The following RB1CC1 variants were observed in gnomAD, a reference collection of about 807,000 sequenced individuals.
RB1CC1 encodes RB1 inducible coiled-coil 1.
In RB1CC1, 46 loss-of-function variants were observed where a neutral mutation model predicts 177.5. The ratio of observed to expected loss-of-function variants is 0.26; its 90% CI spans 0.20 to 0.33. The LOEUF is 0.33. RB1CC1 is among the 10% of genes least tolerant of loss of function. The pLI is 1.00. For missense variants in RB1CC1, 1,703 were observed against 1,816.3 expected (o/e 0.94, Z 1.13); for synonymous variants, 666 against 613.6 (o/e 1.09, Z -1.26).
chr8:52,656,328 T>A lies in RB1CC1; in HGVS notation c.3501A>T (p.Glu1167Asp). The A allele has an allele frequency of 6.2e-7, 1 of 1,612,870 alleles. No homozygotes were observed. Among genetic ancestry groups the A allele is most frequent in the Non-Finnish European group, 8.5e-7 (1 of 1,179,700 alleles). Reference sequence around the variant, plus strand: ...TTTGTTCTTTTAGGTTTTTTTCTATTTCAAATGCTTGGTTATGCAAAGATG... The same window carrying A: ...TTTGTTCTTTTAGGTTTTTTTCTATATCAAATGCTTGGTTATGCAAAGATG... ...KVTSLHNQAFEIEKNLKEQII... is the reference protein window; with the variant it reads ...KVTSLHNQAFDIEKNLKEQII... Residue 1167 changes from glutamate (E) to aspartate (D), a missense_variant, in exon 15 of 24, where the codon GAA becomes GAT. By Grantham distance (45) the Glu-to-Asp change is conservative. Transcript: ENST00000025008.
intron 5 of RB1CC1, 85 bp from the exon 6 acceptor site, chr8:52,676,656 T>C: frequency 1.7e-6 from 2 of 1,181,484 alleles, no homozygotes; most frequent in South Asian, 2.7e-5. Context: ...AACATGTACG[T>C]GTGGATGCGT....
chr8:52,664,356 G>A (rs564119239), intron 8 of RB1CC1, among the ~76,000 whole-genome samples: 1 of 152,086 alleles, frequency 6.6e-6, no homozygotes, highest in African/African-American at 2.4e-5. Flanking sequence ...GAATACTTAG[G>A]AGTACCAAAA....
intron 15 of RB1CC1, among the ~76,000 whole-genome samples, chr8:52,652,233 G>A (rs1338318446): frequency 2.0e-5 from 3 of 152,028 alleles, no homozygotes; most frequent in African/African-American, 7.2e-5. Flanking sequence ...TTGGGAGGCC[G>A]AGGTGGGCAG....
At chr8:52,678,986 C>T (rs1024751921) in intron 5 of RB1CC1, among the ~76,000 whole-genome samples, 1 of 152,068 alleles carries the variant, frequency 6.6e-6, no homozygotes, top group Non-Finnish European at 1.5e-5. Flanking sequence ...GGAAACAAGA[C>T]ACCATCTTGA....
intron 1 of RB1CC1, among the ~76,000 whole-genome samples, chr8:52,706,105 A>G (rs563898119): frequency 1.3e-5 from 2 of 151,772 alleles, no homozygotes; most frequent in Non-Finnish European, 2.9e-5. Flanking sequence ...TCTTTTAAAA[A>G]TCACATTTAT....
intron 1 of RB1CC1, among the ~76,000 whole-genome samples, chr8:52,698,470 G>A (rs937466807): frequency 5.3e-5 from 8 of 151,210 alleles, no homozygotes; most frequent in African/African-American, 1.2e-4. Flanking sequence ...CTACCACCAC[G>A]CCCAGCCAAT....
rs532281337 is a variant in RB1CC1 at position 52,687,674 on chromosome 8, AACC to A, written c.-166-710_-166-708del. ...AATTCTCAAGGAACTGAATCTTGACAACCACCACAAGCCCATAAGCAGATCCTT... is the reference window on the plus strand; with the variant it reads ...AATTCTCAAGGAACTGAATCTTGACAACCACAAGCCCATAAGCAGATCCTT... On this transcript the variant is annotated intron_variant, in intron 1 of 23. Coordinates refer to ENST00000025008, the MANE Select transcript of RB1CC1 (RefSeq NM_014781.5). Among the ~76,000 whole-genome samples, 8 of 152,304 alleles carry A rather than the reference AACC, an allele frequency of 5.3e-5. No homozygotes were observed. In the East Asian group the frequency reaches 9.6e-4, roughly 18 times the overall value.
At chr8:52,627,828 G>A (rs1415643761) in intron 22 of RB1CC1, among the ~76,000 whole-genome samples, 1 of 152,078 alleles carries the variant, frequency 6.6e-6, no homozygotes, top group Non-Finnish European at 1.5e-5. Flanking sequence ...CTGGTCCCTT[G>A]TATAAGCTAC....
chr8:52,654,601 T>G (rs1850919237), intron 15 of RB1CC1, among the ~76,000 whole-genome samples: 1 of 152,150 alleles, frequency 6.6e-6, no homozygotes, highest in African/African-American at 2.4e-5. Flanking sequence ...TTCCTCTTAT[T>G]TCACTTTGAG....
intron 1 of RB1CC1, among the ~76,000 whole-genome samples, chr8:52,700,649 G>GC (rs1855968980): frequency 6.6e-6 from 1 of 152,190 alleles, no homozygotes; most frequent in South Asian, 2.1e-4. Flanking sequence ...ATTAACATGA[G>GC]CAGAACATAC....
At chr8:52,680,519 G>A (rs1853596424) in intron 5 of RB1CC1, among the ~76,000 whole-genome samples, 1 of 151,940 alleles carries the variant, frequency 6.6e-6, no homozygotes, top group African/African-American at 2.4e-5. Context: ...GATTGCAGAA[G>A]TAGAAGAGAA....
chr8:52,626,496 A>C (rs1288429009), intron 22 of RB1CC1, among the ~76,000 whole-genome samples: 1 of 152,208 alleles, frequency 6.6e-6, no homozygotes, highest in Non-Finnish European at 1.5e-5. Flanking sequence ...AGATACATAC[A>C]CATAAAAAGA....
intron 5 of RB1CC1, among the ~76,000 whole-genome samples, chr8:52,680,996 T>TGTG (rs1389877008): frequency 0.22 from 22,927 of 103,068 alleles, 2,102 homozygotes; most frequent in East Asian, 0.31. Flanking sequence ...GTGTGTGTGT[T>TGTG]TTTTTTTTTT....
chr8:52,642,689 C>T lies in RB1CC1; in HGVS notation c.4096+15G>A, dbSNP rs1394858898. ...CTTTAAAAAATTAAAAAAAATAGTA[C>T]AAAACAGTACAAACCTTTATCCCGT... On this transcript the variant is annotated intron_variant, in intron 17 of 23. Transcript: ENST00000025008. 1.9e-6 allele frequency: 3 copies of T among 1,570,616 alleles called. No individual in the cohort carries two copies. Among genetic ancestry groups the T allele is most frequent in the Non-Finnish European group, 1.7e-6 (2 of 1,164,604 alleles).
chr8:52,637,029 A>AT (rs139994496), intron 18 of RB1CC1, among the ~76,000 whole-genome samples: 15,803 of 150,604 alleles, frequency 0.1, 846 homozygotes, highest in Non-Finnish European at 0.11. Context: ...AGACTTTGTT[A>AT]TTTTTCAAGA....
In RB1CC1 at chr8:52,658,115, T is replaced by A. The variant is rs558835104; in HGVS notation, c.1803A>T (p.Leu601Phe). The A allele has an allele frequency of 6.2e-7, 1 of 1,611,848 alleles. No individual in the cohort carries two copies. Among genetic ancestry groups the A allele is most frequent in the East Asian group, 2.2e-5 (1 of 44,836 alleles). The change falls in exon 14 of 24, where the codon TTA becomes TTT. Residue 601 changes from leucine to phenylalanine, a missense_variant. Around this residue, in one of 6 missense-constraint regions of RB1CC1, gnomAD observed 1,169 missense variants for 1,184.7 expected, o/e 0.99. Transcript: ENST00000025008. ...GGTGTAGAGGTTCAAAGTCACAAAG[T>A]AAGGGAACCCTGAAACAGAATGCAA... ...SEVQPFLRVPLLCDFEPLHQH... is the reference protein window; with the variant it reads ...SEVQPFLRVPFLCDFEPLHQH...
At chr8:52,641,735 A>C (rs1325293628) in intron 18 of RB1CC1, among the ~76,000 whole-genome samples, 1 of 152,132 alleles carries the variant, frequency 6.6e-6, no homozygotes, top group Non-Finnish European at 1.5e-5. Context: ...CCCATATCTG[A>C]AATCCCAGAG....
At chr8:52,678,376 A>C (rs1212483373) in intron 5 of RB1CC1, among the ~76,000 whole-genome samples, 1 of 152,154 alleles carries the variant, frequency 6.6e-6, no homozygotes, top group Admixed American at 6.5e-5. Flanking sequence ...AAGATCGCAC[A>C]ACTGAATTCC....
intron 1 of RB1CC1, among the ~76,000 whole-genome samples, chr8:52,703,269 A>G (rs1856250603): frequency 6.6e-6 from 1 of 152,204 alleles, no homozygotes; most frequent in African/African-American, 2.4e-5. Flanking sequence ...TTCCTACTGC[A>G]TATCGGGCTC....
Sources: allele counts gnomAD v4.1 joint callset (sites outside exome capture counted in the v4.1 genomes callset), GRCh38; gene constraint gnomAD v4.1.1; regional missense constraint gnomAD v4.1.1; transcripts MANE v1.5; gene names NCBI Gene and HGNC (gene_info 2026-07-23, HGNC 2026-07-21).